WWOX: variants seen among roughly 807,000 people sequenced by gnomAD.
WWOX encodes the protein WW domain containing oxidoreductase.
Under a neutral mutation model 46.2 loss-of-function variants are expected in WWOX, and 69 were observed. The observed-to-expected ratio is 1.49, with a 90% confidence interval of 1.23 to 1.82. WWOX has a LOEUF of 1.82. Ranked by LOEUF, WWOX falls within the 40% of genes most tolerant of loss-of-function variation. WWOX has a pLI of 0.00. For synonymous variants in WWOX, 359 were observed against 202.6 expected (o/e 1.77, Z -6.56); for missense variants, 919 against 542.6 (o/e 1.69, Z -6.89).
chr16:78,286,913 T>G (rs1177127978), intron 5 of WWOX, among the ~76,000 whole-genome samples: 1 of 152,232 alleles, frequency 6.6e-6, no homozygotes, highest in Non-Finnish European at 1.5e-5. Flanking sequence ...CTGCAGATTT[T>G]AAAATCAATT....
intron 8 of WWOX, among the ~76,000 whole-genome samples, chr16:78,521,345 C>T (rs574380368): frequency 6.6e-6 from 1 of 152,092 alleles, no homozygotes; most frequent in African/African-American, 2.4e-5. Flanking sequence ...TATGAGCCAC[C>T]AAGCCTAGCC....
chr16:79,128,931 C>G (rs533454737), intron 8 of WWOX, among the ~76,000 whole-genome samples: 1 of 152,254 alleles, frequency 6.6e-6, no homozygotes, highest in African/African-American at 2.4e-5. Flanking sequence ...CCATTGTTGC[C>G]CAGTGTGAAG....
intron 5 of WWOX, among the ~76,000 whole-genome samples, chr16:78,380,052 T>C (rs1225015773): frequency 6.6e-6 from 1 of 152,222 alleles, no homozygotes; most frequent in East Asian, 1.9e-4. Context: ...ACATGGTGTA[T>C]TGAAGGTGTC....
intron 8 of WWOX, among the ~76,000 whole-genome samples, chr16:78,993,280 G>T (rs900417779): frequency 5.3e-5 from 8 of 151,928 alleles, no homozygotes; most frequent in African/African-American, 1.9e-4. Flanking sequence ...GGGGAGGTTG[G>T]GGAAGGGAGG....
At chr16:78,493,175 T>C (rs2084828103) in intron 8 of WWOX, among the ~76,000 whole-genome samples, 1 of 152,176 alleles carries the variant, frequency 6.6e-6, no homozygotes, top group Non-Finnish European at 1.5e-5. Flanking sequence ...TCATGTCAGT[T>C]ACTTAATGGA....
chr16:79,073,449 G>T (rs2048590157), intron 8 of WWOX, among the ~76,000 whole-genome samples: 1 of 152,020 alleles, frequency 6.6e-6, no homozygotes, highest in South Asian at 2.1e-4. Flanking sequence ...CAAAGTGCTG[G>T]GGTTTCAAGC....
chr16:78,669,416 C>T (rs1038738353), intron 8 of WWOX, among the ~76,000 whole-genome samples: 1 of 152,208 alleles, frequency 6.6e-6, no homozygotes, highest in African/African-American at 2.4e-5. Flanking sequence ...GATGTTTTTA[C>T]AATGTCTGGG....
intron 8 of WWOX, among the ~76,000 whole-genome samples, chr16:78,808,754 A>T (rs570349662): frequency 6.6e-6 from 1 of 152,250 alleles, no homozygotes; most frequent in East Asian, 1.9e-4. Flanking sequence ...GTAAATTGAG[A>T]TGCGTAGGTT....
intron 5 of WWOX, among the ~76,000 whole-genome samples, chr16:78,376,501 A>G (rs967557520): frequency 2.6e-5 from 4 of 152,132 alleles, no homozygotes; most frequent in Admixed American, 1.3e-4. Flanking sequence ...AATACAATGA[A>G]CCAGTTTTAT....
chr16:78,146,341 A>G (rs2034196946), intron 4 of WWOX, among the ~76,000 whole-genome samples: 1 of 152,128 alleles, frequency 6.6e-6, no homozygotes, highest in Non-Finnish European at 1.5e-5. Flanking sequence ...AATTGATCCT[A>G]GTCACAATGT....
At chr16:78,352,322 C>G (rs908006722) in intron 5 of WWOX, among the ~76,000 whole-genome samples, 2 of 152,164 alleles carry the variant, frequency 1.3e-5, no homozygotes, top group African/African-American at 4.8e-5. Flanking sequence ...AAAAGTTACA[C>G]TTTACAGTTT....
chr16:78,993,884 G>C lies in WWOX; in HGVS notation c.1057-217724G>C, dbSNP rs1015177030. Reference sequence around the variant, plus strand: ...CTGGTCGGTCACTCCTGTTCCTTTCGTGTCCGTTGGGTGCAGGCATTATTT... The same window carrying C: ...CTGGTCGGTCACTCCTGTTCCTTTCCTGTCCGTTGGGTGCAGGCATTATTT... On this transcript the variant is annotated intron_variant, in intron 8 of 8. Transcript: ENST00000566780. 1.6e-4 allele frequency among the ~76,000 whole-genome samples: 25 copies of C among 152,138 alleles called. 1 individual carries two copies. Among genetic ancestry groups the C allele is most frequent in the Non-Finnish European group, 8.8e-5 (6 of 68,032 alleles).
Position 78,617,481 on chromosome 16 carries a change from A to C in WWOX, c.1056+184729A>C, listed in dbSNP as rs532315773. Among the ~76,000 whole-genome samples, 6 of 152,006 alleles carry C rather than the reference A, an allele frequency of 3.9e-5. No individual in the cohort carries two copies. The South Asian group carries it at 1.3e-3, about 32-fold the overall frequency. ...ATTTCGTGAAATTGATCGTTCATTC[A>C]CAATGCTCAGTGCAGTGACTTTGCC... On this transcript the variant is annotated intron_variant, in intron 8 of 8. Coordinates refer to ENST00000566780, the MANE Select transcript of WWOX (RefSeq NM_016373.4).
intron 8 of WWOX, among the ~76,000 whole-genome samples, chr16:78,905,391 T>C (rs930856312): frequency 2.0e-5 from 3 of 152,226 alleles, no homozygotes; most frequent in Non-Finnish European, 4.4e-5. Flanking sequence ...CTTATTTATT[T>C]ATTTTTTTGG....
At chr16:78,462,897 T>C (rs1472366526) in intron 8 of WWOX, among the ~76,000 whole-genome samples, 1 of 152,228 alleles carries the variant, frequency 6.6e-6, no homozygotes, top group Non-Finnish European at 1.5e-5. Flanking sequence ...ACTGTTTCCC[T>C]TGGGCACGCT....
rs374608755 is a variant in WWOX, at chr16:78,990,362, T to A, written c.1057-221246T>A. Among the ~76,000 whole-genome samples the A allele has an allele frequency of 8.9e-4, 135 of 152,248 alleles. 3 individuals are homozygous for A. The South Asian group carries it at 0.023, about 26-fold the overall frequency. On this transcript the variant is annotated intron_variant, in intron 8 of 8. Transcript: ENST00000566780. ...TCCTTGTGCCTTGAGAAGGGCCCTG[T>A]CCGCAGCCTGAGGAGCCTCAACTGT... is the stretch of plus-strand genomic sequence containing the variant.
At chr16:78,209,054 G>A (rs1339259260) in intron 5 of WWOX, among the ~76,000 whole-genome samples, 1 of 152,166 alleles carries the variant, frequency 6.6e-6, no homozygotes, top group Admixed American at 6.5e-5. Context: ...ATATACATAT[G>A]CATATTTATG....
intron 8 of WWOX, among the ~76,000 whole-genome samples, chr16:78,736,559 CT>C (rs1373122045): frequency 2.0e-5 from 3 of 150,276 alleles, no homozygotes; most frequent in Non-Finnish European, 3.0e-5. Flanking sequence ...TTTTCCTTTT[CT>C]TCTCTTCTCT....
Position 78,819,020 on chromosome 16 carries a change from T to A in WWOX, c.1056+386268T>A, listed in dbSNP as rs986768297. On this transcript the variant is annotated intron_variant, in intron 8 of 8. Coordinates refer to ENST00000566780, the MANE Select transcript of WWOX (RefSeq NM_016373.4). ...GCTTAGCTCTAGAATGGAGGCTTGT[T>A]GAGAAAATTAAATGGAAACGATAAC... Among the ~76,000 whole-genome samples the A allele has an allele frequency of 2.6e-5, 4 of 152,310 alleles. No homozygotes were observed. The East Asian group carries it at 7.7e-4, about 29-fold the overall frequency.
Sources: gnomAD v4.1 joint callset for allele counts (sites outside exome capture counted in the v4.1 genomes callset) on GRCh38, gnomAD v4.1.1 for gene constraint, MANE v1.5 for transcripts, NCBI Gene and HGNC (gene_info 2026-07-23, HGNC 2026-07-21) for gene names.